The following MACF1 variants were observed in gnomAD, a reference collection of about 807,000 sequenced individuals.
MACF1 encodes the protein microtubule actin crosslinking factor 1.
MACF1 carries 193 observed loss-of-function variants against 854.8 expected under a neutral mutation model. The ratio of observed to expected loss-of-function variants is 0.23; its 90% CI spans 0.20 to 0.25. The LOEUF is 0.25. MACF1 is among the 10% of genes least tolerant of loss of function. MACF1 has a pLI of 1.00. For synonymous variants in MACF1, 3,185 were observed against 3,226.7 expected, an observed-to-expected ratio of 0.99 and a Z score of 0.44; for missense variants, 7,722 against 8,929.1, an observed-to-expected ratio of 0.86 and a Z score of 5.45.
In MACF1 at chr1:39,157,896, C is replaced by T. The variant is rs189608166; in HGVS notation, c.221-73286C>T. ...TAATTTTTTGGAGTTTTTGTAGAGA[C>T]GGGGTTTTGCCATGTTGCTCAGGCT... On this transcript the variant is annotated intron_variant, in intron 2 of 93. Transcript: ENST00000361689. Among the ~76,000 whole-genome samples the T allele has an allele frequency of 2.3e-4, 35 of 152,086 alleles. No homozygotes were observed. In the South Asian group the frequency reaches 4.4e-3, roughly 19 times the overall value.
At chr1:39,087,267 C>G (rs1641695380) in intron 2 of MACF1, among the ~76,000 whole-genome samples, 1 of 152,198 alleles carries the variant, frequency 6.6e-6, no homozygotes, top group African/African-American at 2.4e-5. Context: ...GCTTATGAAG[C>G]CAAGTGGGGG....
At chr1:39,412,999 G>T (rs370273391) in intron 58 of MACF1, 1 of 1,584,066 alleles carries the variant, frequency 6.3e-7, no homozygotes, top group Non-Finnish European at 8.6e-7. Flanking sequence ...TGTCCCAGCT[G>T]TTACAGTATC....
chr1:39,152,452 T>G (rs989796712), intron 2 of MACF1, among the ~76,000 whole-genome samples: 1 of 152,226 alleles, frequency 6.6e-6, no homozygotes, highest in Non-Finnish European at 1.5e-5. Context: ...ATTTCAAGCA[T>G]ATAGACAAGT....
intron 23 of MACF1, among the ~76,000 whole-genome samples, chr1:39,305,396 G>C (rs1646150464): frequency 6.6e-6 from 1 of 151,930 alleles, no homozygotes; most frequent in African/African-American, 2.4e-5. Context: ...CCACATTCCA[G>C]AGTCAAGTGT....
intron 26 of MACF1, among the ~76,000 whole-genome samples, chr1:39,313,912 A>G (rs1301723180): frequency 2.0e-5 from 3 of 152,018 alleles, no homozygotes; most frequent in South Asian, 2.1e-4. Flanking sequence ...CATGATGCCC[A>G]TTGAAGTTCT....
intron 80 of MACF1, among the ~76,000 whole-genome samples, chr1:39,446,104 TAA>T (rs1264291438): frequency 6.6e-6 from 1 of 152,208 alleles, no homozygotes; most frequent in East Asian, 1.9e-4. Flanking sequence ...CAAAATACCT[TAA>T]GACATAGTTG....
At position 39,409,047 on chromosome 1, in the gene MACF1, A is replaced by T. The variant is rs1015857394; in HGVS notation, c.15817-13327A>T. Among the ~76,000 whole-genome samples, 1 of 149,732 alleles carries T rather than the reference A, an allele frequency of 6.7e-6. No homozygotes were observed. The highest frequency in any genetic ancestry group is 1.5e-5 in the Non-Finnish European group (1 of 67,264). On this transcript the variant is annotated intron_variant, in intron 58 of 100. Transcript: ENST00000564288. The surrounding 1 kb of genome is among the most constrained non-coding windows in gnomAD (Gnocchi z 4.2). ...GCGGCGCAGCGCGGCGGCGCGGGGA[A>T]GGGGGAGGAGAGCCGCCCGCCAGCC...
At chr1:39,296,467 C>T (rs1281211334) in intron 20 of MACF1, among the ~76,000 whole-genome samples, 4 of 151,940 alleles carry the variant, frequency 2.6e-5, no homozygotes, top group African/African-American at 9.7e-5. Context: ...CCATGGCTCA[C>T]ACCTGTAGTC....
chr1:39,383,951 C>T (rs1189547287), intron 56 of MACF1, among the ~76,000 whole-genome samples: 2 of 152,074 alleles, frequency 1.3e-5, no homozygotes, highest in East Asian at 3.8e-4. Context: ...TCTGCTTCTG[C>T]ATATCTGTTA....
intron 2 of MACF1, among the ~76,000 whole-genome samples, chr1:39,243,179 G>A (rs761339764): frequency 2.8e-4 from 43 of 152,024 alleles, no homozygotes; most frequent in Non-Finnish European, 4.7e-4. Context: ...TTTCCTTATG[G>A]CTAATGATGT....
In MACF1 at chr1:39,460,775, C is replaced by T. The variant is rs761107324; in HGVS notation, c.21504C>T (p.Ile7168=). 11 of 1,614,156 alleles carry T rather than the reference C, an allele frequency of 6.8e-6. No individual in the cohort carries two copies. The highest frequency in any genetic ancestry group is 9.3e-6 in the Non-Finnish European group (11 of 1,180,018). The part of the protein sequence containing the change: ...QDGKITRQEF[I]DGILASKFPT... ...GGAAGATAACACGTCAGGAGTTTATCGATGGCATTTTAGCATCCAGTGAGT... is the reference window on the plus strand; with the variant it reads ...GGAAGATAACACGTCAGGAGTTTATTGATGGCATTTTAGCATCCAGTGAGT... The change falls in exon 92 of 101, where the codon ATC becomes ATT. Residue 7168 remains isoleucine (I), a synonymous_variant. Transcript: ENST00000564288. The surrounding 1 kb of genome is among the most constrained non-coding windows in gnomAD (Gnocchi z 4.1).
intron 2 of MACF1, among the ~76,000 whole-genome samples, chr1:39,180,028 T>TA (rs201715035): frequency 0.019 from 2,959 of 151,838 alleles, 52 homozygotes; most frequent in Non-Finnish European, 0.029. Flanking sequence ...AATGAAATTT[T>TA]AAAAAAATGA....
chr1:39,373,873 A>G (rs537624131), intron 52 of MACF1, among the ~76,000 whole-genome samples: 2 of 150,648 alleles, frequency 1.3e-5, no homozygotes, highest in Non-Finnish European at 3.0e-5. Context: ...AAAAATCAGT[A>G]CTTCAAAGGG....
intron 2 of MACF1, among the ~76,000 whole-genome samples, chr1:39,159,009 A>G (rs1483468036): frequency 2.6e-5 from 4 of 152,188 alleles, no homozygotes; most frequent in African/African-American, 9.7e-5. Flanking sequence ...GAGGGACTCA[A>G]CAACCTTAGA....
chr1:39,090,468 G>A (rs1571025294), intron 2 of MACF1, among the ~76,000 whole-genome samples: 1 of 152,262 alleles, frequency 6.6e-6, no homozygotes, highest in African/African-American at 2.4e-5. Flanking sequence ...ATTCTGTGCA[G>A]GCAGCAGAAA....
At chr1:39,225,554 A>AC (rs1644707252) in intron 1 of MACF1, among the ~76,000 whole-genome samples, 1 of 151,938 alleles carries the variant, frequency 6.6e-6, no homozygotes, top group Non-Finnish European at 1.5e-5. Flanking sequence ...TAATTCAGTA[A>AC]CCCCCAAGTA....
At chr1:39,377,677 G>A (rs1248955403) in intron 52 of MACF1, among the ~76,000 whole-genome samples, 1 of 152,114 alleles carries the variant, frequency 6.6e-6, no homozygotes, top group Non-Finnish European at 1.5e-5. Flanking sequence ...AACAATATAA[G>A]AAGGGCTCAT....
intron 72 of MACF1, among the ~76,000 whole-genome samples, chr1:39,440,196 T>C (rs543353572): frequency 2.1e-5 from 3 of 143,078 alleles, no homozygotes; most frequent in African/African-American, 7.8e-5. Flanking sequence ...CACTGCAGCA[T>C]CCACCTCCCG....
chr1:39,308,711 A>G (rs908607081), intron 23 of MACF1, among the ~76,000 whole-genome samples: 6 of 151,476 alleles, frequency 4.0e-5, no homozygotes, highest in African/African-American at 1.5e-4. Flanking sequence ...GCTGGAGTGC[A>G]ATGGTGCGAT....
Sources: gnomAD v4.1 joint callset for allele counts (sites outside exome capture counted in the v4.1 genomes callset) on GRCh38, gnomAD v4.1.1 for gene constraint, Gnocchi (gnomAD v3.1) non-coding constraint, MANE v1.5 for transcripts, NCBI Gene and HGNC (gene_info 2026-07-23, HGNC 2026-07-21) for gene names.